Variants in EHBP1 observed in about 807,000 individuals in gnomAD.
EHBP1 encodes the protein EH domain-binding protein 1.
Under a neutral mutation model 144.0 loss-of-function variants are expected in EHBP1, and 55 were observed. The observed-to-expected ratio is 0.38, with a 90% confidence interval of 0.31 to 0.48. The LOEUF is 0.48. EHBP1 is among the 20% of genes least tolerant of loss of function. The probability of loss-of-function intolerance (pLI) is 0.98; values close to 1 mark genes in which losing one functional copy is unlikely to be tolerated. For synonymous variants in EHBP1, 469 were observed against 472.7 expected (o/e 0.99, Z 0.10); for missense variants, 1,200 against 1,364.2 (o/e 0.88, Z 1.90).
chr2:62,911,454 C>A (rs1385039340), intron 10 of EHBP1, among the ~76,000 whole-genome samples: 1 of 151,900 alleles, frequency 6.6e-6, no homozygotes, highest in Non-Finnish European at 1.5e-5. Context: ...TGTTTAGGAA[C>A]TTTTATTTCA....
At chr2:62,993,793 T>G in intron 17 of EHBP1, 78 bp from the exon 18 acceptor site, 1 of 1,120,266 alleles carries the variant, frequency 8.9e-7, no homozygotes, top group Non-Finnish European at 1.2e-6. Flanking sequence ...TATAATCTGG[T>G]AATGTAAATT....
intron 1 of EHBP1, among the ~76,000 whole-genome samples, chr2:62,684,759 G>GA (rs2033661600): frequency 6.6e-6 from 1 of 152,126 alleles, no homozygotes; most frequent in Non-Finnish European, 1.5e-5. Context: ...AAGTCCACCA[G>GA]AAAAAGAAGG....
intron 15 of EHBP1, among the ~76,000 whole-genome samples, chr2:62,986,125 A>C (rs1438771533): frequency 1.3e-5 from 2 of 152,206 alleles, no homozygotes; most frequent in Non-Finnish European, 2.9e-5. Context: ...AATAGAAGCT[A>C]TCTCTGACAT....
intron 19 of EHBP1, among the ~76,000 whole-genome samples, chr2:63,000,792 T>C (rs867757963): frequency 9.2e-5 from 14 of 152,124 alleles, no homozygotes; most frequent in Admixed American, 2.0e-4. Context: ...CAAATACAAG[T>C]GAATTTTTTT....
At chr2:62,845,792 A>C (rs2048252121) in intron 7 of EHBP1, among the ~76,000 whole-genome samples, 1 of 152,114 alleles carries the variant, frequency 6.6e-6, no homozygotes, top group Admixed American at 6.6e-5. Context: ...TAGCCAAAAA[A>C]AATTTTGTTT....
chr2:62,767,939 A>T (rs1382536857), intron 4 of EHBP1, among the ~76,000 whole-genome samples: 2 of 152,122 alleles, frequency 1.3e-5, no homozygotes, highest in Non-Finnish European at 2.9e-5. Context: ...GTAAATAATG[A>T]AATTAAGGCA....
At chr2:62,724,783 G>C (rs1381087676) in intron 2 of EHBP1, among the ~76,000 whole-genome samples, 1 of 152,130 alleles carries the variant, frequency 6.6e-6, no homozygotes, top group Non-Finnish European at 1.5e-5. Context: ...AGGCGAGTGA[G>C]CATTACTACC....
intron 1 of EHBP1, among the ~76,000 whole-genome samples, chr2:62,688,330 ATTTAT>A (rs2033787139): frequency 6.6e-6 from 1 of 152,142 alleles, no homozygotes; most frequent in Non-Finnish European, 1.5e-5. Flanking sequence ...TGTGTTGGAC[ATTTAT>A]TTTATTTTAT....
At position 62,894,927 on chromosome 2, in the gene EHBP1, AAG is replaced by A. The variant is rs57403564; in HGVS notation, c.1185+20423_1185+20424del. ...CAAGACCCTAGCAAAAACAGAAAGA[AAG>A]AGAGAGAGAGAGAGAGAGAGAGAGA... On this transcript the variant is annotated intron_variant, in intron 10 of 22. Coordinates refer to ENST00000431489, the MANE Select transcript of EHBP1 (RefSeq NM_001142616.3). Among the ~76,000 whole-genome samples, 144 of 141,012 alleles carry A rather than the reference AAG, an allele frequency of 1.0e-3. 1 individual carries two copies. The highest frequency in any genetic ancestry group is 3.6e-3 in the Middle Eastern group (1 of 278). The allele number at this position is 141,012 out of a possible 152,430, so 92.5% of individuals were successfully genotyped here. A position where few individuals can be genotyped will look rare whatever the true frequency, so the allele number is the denominator to read the frequency against.
At chr2:62,715,914 G>A (rs1478741946) in intron 2 of EHBP1, among the ~76,000 whole-genome samples, 1 of 152,144 alleles carries the variant, frequency 6.6e-6, no homozygotes, top group South Asian at 2.1e-4. Flanking sequence ...CTTTACCCTA[G>A]CTAATACATG....
At chr2:62,746,034 G>A (rs987935980) in intron 2 of EHBP1, among the ~76,000 whole-genome samples, 1 of 152,086 alleles carries the variant, frequency 6.6e-6, no homozygotes, top group Non-Finnish European at 1.5e-5. Context: ...CTGTGGAGAT[G>A]AGAGCATAAG....
chr2:63,019,844 G>GA (rs2060640752), intron 19 of EHBP1, among the ~76,000 whole-genome samples: 1 of 95,454 alleles, frequency 1.0e-5, no homozygotes, highest in Non-Finnish European at 2.4e-5. Flanking sequence ...AGGAAGGAAG[G>GA]AAGGAAGGAA....
chr2:62,815,966 AC>A (rs1287007827), intron 5 of EHBP1, among the ~76,000 whole-genome samples: 2 of 152,226 alleles, frequency 1.3e-5, no homozygotes, highest in African/African-American at 4.8e-5. Flanking sequence ...TTTTAATGTA[AC>A]AGTTTAAGAA....
chr2:62,942,313 G>C (rs1220993934), intron 10 of EHBP1, among the ~76,000 whole-genome samples: 1 of 151,982 alleles, frequency 6.6e-6, no homozygotes, highest in Non-Finnish European at 1.5e-5. Context: ...GTTACATTTG[G>C]ACCTCGAAAT....
chr2:62,833,790 C>G (rs2047005556), intron 7 of EHBP1, among the ~76,000 whole-genome samples: 1 of 152,130 alleles, frequency 6.6e-6, no homozygotes, highest in South Asian at 2.1e-4. Flanking sequence ...TAAGGTGTAG[C>G]TGTCATAGGT....
chr2:62,874,014 A>T (rs939784517), intron 9 of EHBP1, among the ~76,000 whole-genome samples: 1 of 152,206 alleles, frequency 6.6e-6, no homozygotes, highest in Non-Finnish European at 1.5e-5. Context: ...GACATTTTTT[A>T]CATCTTACTT....
In EHBP1 at chr2:62,747,385, T is replaced by C. The variant is rs979521049; in HGVS notation, c.105-10T>C. On this transcript the variant is annotated splice_polypyrimidine_tract_variant and intron_variant, in intron 2 of 22. Coordinates refer to ENST00000431489, the MANE Select transcript of EHBP1 (RefSeq NM_001142616.3). ...GATAAATTATGTTTAACTTTTTTTT[T>C]GTTTGGCAGGCAACCAGATAAACTG... The C allele has an allele frequency of 1.2e-6, 2 of 1,607,322 alleles. No homozygotes were observed. Among genetic ancestry groups the C allele is most frequent in the African/African-American group, 1.3e-5 (1 of 74,596 alleles).
intron 10 of EHBP1, among the ~76,000 whole-genome samples, chr2:62,919,624 TACAA>T (rs2054906704): frequency 6.6e-6 from 1 of 152,006 alleles, no homozygotes; most frequent in African/African-American, 2.4e-5. Context: ...TCATAAAGCA[TACAA>T]ACAAACAGAA....
Position 62,753,531 on chromosome 2 carries a change from G to C in EHBP1, c.162+6079G>C, listed in dbSNP as rs142954319. Among the ~76,000 whole-genome samples the C allele has an allele frequency of 2.4e-3, 358 of 152,184 alleles. 1 individual carries two copies. Among genetic ancestry groups the C allele is most frequent in the African/African-American group, 8.0e-3 (332 of 41,522 alleles). ...CTTTGTGGCGTTCTCTGTATTTCCTGAATTTGAATGTTGGCCTGCCTTGCT... is the reference window on the plus strand; with the variant it reads ...CTTTGTGGCGTTCTCTGTATTTCCTCAATTTGAATGTTGGCCTGCCTTGCT... On this transcript the variant is annotated intron_variant, in intron 3 of 22. Coordinates refer to ENST00000431489, the MANE Select transcript of EHBP1 (RefSeq NM_001142616.3).
Sources: gnomAD v4.1 joint callset for allele counts (sites outside exome capture counted in the v4.1 genomes callset) on GRCh38, gnomAD v4.1.1 for gene constraint, MANE v1.5 for transcripts, NCBI Gene and HGNC (gene_info 2026-07-23, HGNC 2026-07-21) for gene names.